The following PPP1R12B variants were observed in gnomAD, a reference collection of about 807,000 sequenced individuals.
PPP1R12B encodes protein phosphatase 1 regulatory subunit 12B, also known as myosin phosphatase target subunit 2.
Under a neutral mutation model 126.1 loss-of-function variants are expected in PPP1R12B, and 76 were observed. The observed-to-expected ratio is 0.60, with a 90% confidence interval of 0.50 to 0.73. The LOEUF is 0.73. PPP1R12B is among the 30% of genes least tolerant of loss of function. The pLI is 0.00. For synonymous variants in PPP1R12B, 356 were observed against 434.7 expected (o/e 0.82, Z 2.25); for missense variants, 1,052 against 1,205.1 (o/e 0.87, Z 1.88).
At chr1:202,555,353 A>AAAAAG (rs1553320335) in intron 18 of PPP1R12B, among the ~76,000 whole-genome samples, 2 of 121,584 alleles carry the variant, frequency 1.6e-5, no homozygotes, top group African/African-American at 5.9e-5. Flanking sequence ...AAAAAAAAAA[A>AAAAAG]GCTTGTTTCG....
chr1:202,363,629 C>T (rs939534859), intron 1 of PPP1R12B, among the ~76,000 whole-genome samples: 12 of 152,158 alleles, frequency 7.9e-5, no homozygotes, highest in Non-Finnish European at 1.0e-4. Context: ...TATTATAGGA[C>T]CACTTGAAAG....
At position 202,412,087 on chromosome 1, in the gene PPP1R12B, A is replaced by G. The variant is rs186912896; in HGVS notation, c.292-4700A>G. The stretch of plus-strand genomic sequence containing the variant: ...CACAGATTGATGATCGCCAAATTAC[A>G]TTTTTAGATTAGGCTAGTTTTGTTG... On this transcript the variant is annotated intron_variant, in intron 1 of 23. Transcript: ENST00000608999. 7.2e-3 allele frequency among the ~76,000 whole-genome samples: 1,097 copies of G among 152,300 alleles called. 10 individuals carry two copies. Among genetic ancestry groups the G allele is most frequent in the Admixed American group, 0.012 (183 of 15,298 alleles).
chr1:202,460,720 C>A (rs1485460197), intron 13 of PPP1R12B, among the ~76,000 whole-genome samples: 2 of 152,142 alleles, frequency 1.3e-5, no homozygotes, highest in African/African-American at 4.8e-5. Flanking sequence ...GCAGTGGGTA[C>A]ATTTTCTACT....
At chr1:202,408,900 C>T (rs1325428119) in intron 1 of PPP1R12B, among the ~76,000 whole-genome samples, 4 of 143,084 alleles carry the variant, frequency 2.8e-5, no homozygotes, top group Non-Finnish European at 6.0e-5. Context: ...GGCTGGACTA[C>T]AGTCTCTGCT....
At chr1:202,365,304 C>T (rs962411893) in intron 1 of PPP1R12B, among the ~76,000 whole-genome samples, 1 of 151,714 alleles carries the variant, frequency 6.6e-6, no homozygotes, top group Non-Finnish European at 1.5e-5. Flanking sequence ...AAAAAAAAGC[C>T]AATTGTGGTC....
intron 18 of PPP1R12B, among the ~76,000 whole-genome samples, chr1:202,506,298 T>C (rs1680801077): frequency 6.6e-6 from 1 of 152,216 alleles, no homozygotes; most frequent in Non-Finnish European, 1.5e-5. Context: ...TATATATGGG[T>C]TGTGTCTTGC....
intron 13 of PPP1R12B, among the ~76,000 whole-genome samples, chr1:202,475,182 C>T (rs545544067): frequency 6.6e-6 from 1 of 152,286 alleles, no homozygotes; most frequent in East Asian, 1.9e-4. Context: ...TATTAGCCTC[C>T]CGTTCCCAAT....
chr1:202,451,087 C>A (rs1231657371), intron 13 of PPP1R12B, among the ~76,000 whole-genome samples: 3 of 148,080 alleles, frequency 2.0e-5, no homozygotes, highest in Non-Finnish European at 3.0e-5. Context: ...TTGATTAATT[C>A]CTAGGTATTT....
chr1:202,470,071 G>T (rs1675627644), intron 13 of PPP1R12B, among the ~76,000 whole-genome samples: 1 of 152,186 alleles, frequency 6.6e-6, no homozygotes, highest in African/African-American at 2.4e-5. Flanking sequence ...GATTACAGGA[G>T]CTGGAGACCG....
At chr1:202,446,379 G>A (rs769509518) in intron 12 of PPP1R12B, among the ~76,000 whole-genome samples, 12 of 145,916 alleles carry the variant, frequency 8.2e-5, no homozygotes, top group East Asian at 8.0e-4. Flanking sequence ...TCAGCCTCCC[G>A]AGTAGCTGGG....
At chr1:202,372,189 A>T (rs572599619) in intron 1 of PPP1R12B, among the ~76,000 whole-genome samples, 1 of 151,816 alleles carries the variant, frequency 6.6e-6, no homozygotes, top group African/African-American at 2.4e-5. Flanking sequence ...ATATTTTCCA[A>T]TCAGTTTTTC....
intron 17 of PPP1R12B, 38 bp downstream of exon 17, chr1:202,495,720 C>T: frequency 6.5e-7 from 1 of 1,537,750 alleles, no homozygotes; most frequent in Non-Finnish European, 9.0e-7. Flanking sequence ...TATCATATTA[C>T]TCTTGGTCAC....
At chr1:202,444,971 G>A in intron 12 of PPP1R12B, 2 of 1,165,092 alleles carry the variant, frequency 1.7e-6, no homozygotes, top group Non-Finnish European at 2.2e-6. Flanking sequence ...TGCACAATCT[G>A]GGTGGGAAGG....
At chr1:202,434,527 C>G (rs903985471) in intron 8 of PPP1R12B, 129 bp from the exon 9 acceptor site, 1 of 1,185,066 alleles carries the variant, frequency 8.4e-7, no homozygotes, top group Non-Finnish European at 1.1e-6. Context: ...AGTTTATATC[C>G]AAGCATTACA....
At chr1:202,412,886 C>A (rs892722651) in intron 1 of PPP1R12B, among the ~76,000 whole-genome samples, 1 of 152,094 alleles carries the variant, frequency 6.6e-6, no homozygotes, top group Non-Finnish European at 1.5e-5. Context: ...TTGGCTAGAC[C>A]TTGCCATATG....
intron 1 of PPP1R12B, among the ~76,000 whole-genome samples, chr1:202,406,790 T>G (rs1571864469): frequency 6.6e-6 from 1 of 152,216 alleles, no homozygotes; most frequent in Non-Finnish European, 1.5e-5. Context: ...TTACTTAGTG[T>G]GTCTCAGCTC....
At chr1:202,543,886 A>T (rs943439478) in intron 18 of PPP1R12B, among the ~76,000 whole-genome samples, 2 of 152,178 alleles carry the variant, frequency 1.3e-5, no homozygotes, top group Non-Finnish European at 2.9e-5. Flanking sequence ...GTCTCTGTTG[A>T]TCCTAAATAA....
intron 19 of PPP1R12B, among the ~76,000 whole-genome samples, chr1:202,559,520 G>A (rs1687303815): frequency 6.6e-6 from 1 of 152,144 alleles, no homozygotes; most frequent in East Asian, 1.9e-4. Flanking sequence ...TTTTCACCTA[G>A]TATCTAAGGG....
At chr1:202,549,749 T>C (rs1483952597) in intron 18 of PPP1R12B, among the ~76,000 whole-genome samples, 3 of 152,124 alleles carry the variant, frequency 2.0e-5, no homozygotes, top group Non-Finnish European at 4.4e-5. Context: ...GTTTTATGAG[T>C]GTGCATATTT....
Sources: allele counts gnomAD v4.1 joint callset (sites outside exome capture counted in the v4.1 genomes callset), GRCh38; gene constraint gnomAD v4.1.1; transcripts MANE v1.5; gene names NCBI Gene and HGNC (gene_info 2026-07-23, HGNC 2026-07-21).